Variants in FRMPD4 observed in about 807,000 individuals in gnomAD.
The protein encoded by FRMPD4 is FERM and PDZ domain containing 4.
In FRMPD4, 22 loss-of-function variants were observed where a neutral mutation model predicts 94.1. That is an observed-to-expected ratio of 0.23 (90% confidence interval 0.17 to 0.33). The LOEUF (loss-of-function observed/expected upper bound fraction) is 0.33, where lower values mean the gene tolerates loss of function less well. Among genes scored for constraint, FRMPD4 ranks in the 10% least tolerant of loss-of-function variants. FRMPD4 has a pLI of 1.00. For synonymous variants in FRMPD4, 631 were observed against 548.6 expected, an observed-to-expected ratio of 1.15 and a Z score of -2.10; for missense variants, 1,111 against 1,339.9, an observed-to-expected ratio of 0.83 and a Z score of 2.67.
rs765627332 is a variant in FRMPD4, at chrX:12,063,790, C to T, written c.95+185772C>T. Among the ~76,000 whole-genome samples the T allele has an allele frequency of 3.6e-5, 4 of 112,459 alleles. No individual in the cohort carries two copies. In the South Asian group the frequency reaches 1.5e-3, roughly 42 times the overall value. On this transcript the variant is annotated intron_variant, in intron 3 of 18. Transcript: ENST00000640291. The stretch of plus-strand genomic sequence containing the variant: ...ATGCCTTTGTGGGGGTTAATTTTGA[C>T]TACCCTTTCCAATTCTTCTTTGGTT...
intron 1 of FRMPD4, among the ~76,000 whole-genome samples, chrX:12,386,147 C>A (rs190254043): frequency 1.4e-3 from 158 of 112,437 alleles, no homozygotes; most frequent in Admixed American, 5.0e-3. Flanking sequence ...AAATCCCAGC[C>A]CTTCAGAGTG....
At chrX:12,417,878 C>T (rs746418377) in intron 1 of FRMPD4, among the ~76,000 whole-genome samples, 17 of 106,125 alleles carry the variant, frequency 1.6e-4, no homozygotes, top group African/African-American at 5.5e-4. Context: ...CCTGTAGTCC[C>T]AGCTACTCAG....
At position 11,957,402 on chromosome X, in the gene FRMPD4, T is replaced by A. The variant is rs1430771850; in HGVS notation, c.95+79384T>A. Among the ~76,000 whole-genome samples, 4 of 110,763 alleles carry A rather than the reference T, an allele frequency of 3.6e-5. No individual in the cohort carries two copies. In the East Asian group the frequency reaches 8.4e-4, roughly 23 times the overall value. ...CCAGATCCTGTCTCTACAAAAAAAA[T>A]TTAAAAAATAGAATTAGCCAGGTGT... is the stretch of plus-strand genomic sequence containing the variant. On this transcript the variant is annotated intron_variant, in intron 3 of 18. Transcript: ENST00000640291.
In FRMPD4 at chrX:12,710,332, G is replaced by T. The variant is rs1021757237; in HGVS notation, c.1471-67G>T. 9 of 878,170 alleles carry T rather than the reference G, an allele frequency of 1.0e-5. No homozygotes were observed. In the Admixed American group the frequency reaches 1.9e-4, roughly 18 times the overall value. The allele number at this position is 878,170 out of a possible 1,213,427, so 72.4% of individuals were successfully genotyped here. A position where few individuals can be genotyped will look rare whatever the true frequency, so the allele number is the denominator to read the frequency against. On this transcript the variant is annotated intron_variant, in intron 13 of 16. Coordinates refer to ENST00000675598, the MANE Select transcript of FRMPD4 (RefSeq NM_001368397.1). ...TCCTTTTTCCATAAGCATAAATGCAGCTGTTGACACTCCAGGGATGTTATT... is the reference window on the plus strand; with the variant it reads ...TCCTTTTTCCATAAGCATAAATGCATCTGTTGACACTCCAGGGATGTTATT...
chrX:12,575,591 G>A (rs2058804080), intron 2 of FRMPD4, among the ~76,000 whole-genome samples: 2 of 111,689 alleles, frequency 1.8e-5, no homozygotes, highest in African/African-American at 3.3e-5. Flanking sequence ...CCAAATCTGT[G>A]AATATATTAC....
intron 3 of FRMPD4, among the ~76,000 whole-genome samples, chrX:12,048,135 CT>C (rs1175932801): frequency 2.7e-5 from 3 of 112,618 alleles, no homozygotes; most frequent in African/African-American, 9.7e-5. Flanking sequence ...TAAGCATTCC[CT>C]TTGCTTCACA....
chrX:12,431,858 C>A, intron 1 of FRMPD4, among the ~76,000 whole-genome samples: 1 of 112,049 alleles, frequency 8.9e-6, no homozygotes, highest in Admixed American at 9.4e-5. Flanking sequence ...AAAAGCAATA[C>A]CTTTAAGAAT....
intron 1 of FRMPD4, among the ~76,000 whole-genome samples, chrX:12,340,498 A>T (rs918802703): frequency 1.8e-5 from 2 of 111,323 alleles, no homozygotes; most frequent in African/African-American, 6.5e-5. Flanking sequence ...AACTAGGGTT[A>T]TCAAAGAGAA....
intron 1 of FRMPD4, among the ~76,000 whole-genome samples, chrX:12,362,741 A>AT (rs1268781729): frequency 8.9e-6 from 1 of 111,937 alleles, no homozygotes; most frequent in Admixed American, 9.4e-5. Flanking sequence ...TGGCTGGGTC[A>AT]AATGGTATTT....
Position 11,922,689 on chromosome X carries a change from G to A in FRMPD4, c.95+44671G>A, listed in dbSNP as rs1022123214. On this transcript the variant is annotated intron_variant, in intron 3 of 18. Transcript: ENST00000640291. ...CTTGACCACCACAGCCACTTGAGGT[G>A]GCAGGAAGAGCTGCTTAGAGAAGTG... Among the ~76,000 whole-genome samples the A allele has an allele frequency of 8.9e-5, 10 of 112,664 alleles. No homozygotes were observed. In the East Asian group the frequency reaches 1.7e-3, roughly 19 times the overall value.
At chrX:12,257,733 C>A (rs186282085) in intron 1 of FRMPD4, among the ~76,000 whole-genome samples, 2 of 111,316 alleles carry the variant, frequency 1.8e-5, no homozygotes, top group East Asian at 5.6e-4. Context: ...AAATGAAAAT[C>A]CCAACGCTTG....
intron 4 of FRMPD4, among the ~76,000 whole-genome samples, chrX:12,656,246 G>A (rs186988114): frequency 8.9e-6 from 1 of 112,230 alleles, no homozygotes; most frequent in Non-Finnish European, 1.9e-5. Context: ...AGTTAGAGAT[G>A]CACATGTAAT....
intron 3 of FRMPD4, among the ~76,000 whole-genome samples, chrX:11,896,299 G>T (rs980032894): frequency 1.8e-5 from 2 of 112,256 alleles, no homozygotes; most frequent in Non-Finnish European, 3.8e-5. Context: ...TGTGGTGTTT[G>T]TAAAGAGGCC....
At chrX:12,234,579 C>G (rs1454730636) in intron 1 of FRMPD4, among the ~76,000 whole-genome samples, 1 of 111,842 alleles carries the variant, frequency 8.9e-6, no homozygotes, top group African/African-American at 3.3e-5. Context: ...GTTTCTCCTA[C>G]TGCACTTTGT....
chrX:12,611,139 C>T (rs1412604391), intron 3 of FRMPD4, among the ~76,000 whole-genome samples: 4 of 112,399 alleles, frequency 3.6e-5, no homozygotes, highest in South Asian at 3.7e-4. Context: ...ATGATGCAAT[C>T]GCCTGAAGTG....
chrX:12,465,026 C>T (rs1177916012), intron 1 of FRMPD4, among the ~76,000 whole-genome samples: 3 of 112,151 alleles, frequency 2.7e-5, no homozygotes, highest in Non-Finnish European at 5.6e-5. Context: ...CCATATCCTC[C>T]ACCGCAGGTA....
At chrX:12,228,422 G>A (rs1043971305) in intron 1 of FRMPD4, among the ~76,000 whole-genome samples, 3 of 112,220 alleles carry the variant, frequency 2.7e-5, no homozygotes, top group African/African-American at 9.7e-5. Context: ...AAATAATAAA[G>A]GAAAATTTCA....
intron 1 of FRMPD4, among the ~76,000 whole-genome samples, chrX:11,848,394 G>C (rs1198388310): frequency 9.0e-6 from 1 of 111,516 alleles, no homozygotes; most frequent in Non-Finnish European, 1.9e-5. Flanking sequence ...AGCAAAGATT[G>C]GTCAGAAAGT....
chrX:11,845,162 T>C (rs1190283302), intron 1 of FRMPD4, among the ~76,000 whole-genome samples: 1 of 112,335 alleles, frequency 8.9e-6, no homozygotes, highest in African/African-American at 3.2e-5. Context: ...AGTTTTTTGC[T>C]AAATCTGGCT....
Sources: allele counts gnomAD v4.1 joint callset (sites outside exome capture counted in the v4.1 genomes callset), GRCh38; gene constraint gnomAD v4.1.1; transcripts MANE v1.5; gene names NCBI Gene and HGNC (gene_info 2026-07-23, HGNC 2026-07-21).